Variants in CDH23 observed in about 807,000 individuals in gnomAD.
CDH23 encodes cadherin-23.
CDH23 carries 189 observed loss-of-function variants against 317.1 expected under a neutral mutation model. That is an observed-to-expected ratio of 0.60 (90% confidence interval 0.53 to 0.67). CDH23 has a LOEUF of 0.67. Among genes scored for constraint, CDH23 ranks in the 30% least tolerant of loss-of-function variants. The pLI is 0.00. For missense variants in CDH23, 4,401 were observed against 4,592.4 expected (o/e 0.96, Z 1.20); for synonymous variants, 1,839 against 1,876.8 (o/e 0.98, Z 0.52).
In CDH23 at chr10:71,732,099, G is replaced by T; in HGVS notation, c.3828G>T (p.Lys1276Asn). The T allele has an allele frequency of 6.2e-7, 1 of 1,614,002 alleles. No individual in the cohort carries two copies. Among genetic ancestry groups the T allele is most frequent in the Non-Finnish European group, 8.5e-7 (1 of 1,179,888 alleles). ...ITVNYLDYET[K>N]TSYMMNVSAT... ...TGAATTACCTGGACTACGAGACCAA[G>T]ACCAGCTACATGATGAATGTGTCGG... is the stretch of plus-strand genomic sequence containing the variant. Residue 1276 changes from lysine to asparagine, a missense_variant, in exon 32 of 70, where the codon AAG becomes AAT. Lys to Asn is a moderately conservative substitution (Grantham distance 94). This residue lies in a region of CDH23 where 3,068 missense variants were observed against 3,203.3 expected (regional missense o/e 0.96). Transcript: ENST00000224721.
At chr10:71,485,453 C>A (rs1852296372) in intron 3 of CDH23, among the ~76,000 whole-genome samples, 1 of 152,214 alleles carries the variant, frequency 6.6e-6, no homozygotes, top group Non-Finnish European at 1.5e-5. Flanking sequence ...CTGCATTGAC[C>A]TTTTGTGCTC....
rs775496154 is a variant in CDH23 at position 71,725,379 on chromosome 10, T to C, written c.3438T>C (p.His1146=). The change falls in exon 30 of 70, where the codon CAT becomes CAC. Residue 1146 remains histidine, a synonymous_variant. Transcript: ENST00000224721. ...GTCTGTCCCTCCACACAGGTAACCA[T>C]GGCAACAACTTCCGGATCCATGTCA... ...RVWYRILHGN[H]GNNFRIHVSN... The C allele has an allele frequency of 6.2e-6, 10 of 1,613,876 alleles. No individual in the cohort carries two copies. The East Asian group carries it at 1.3e-4, about 22-fold the overall frequency.
At chr10:71,532,220 G>A (rs984029728) in intron 6 of CDH23, among the ~76,000 whole-genome samples, 1 of 152,158 alleles carries the variant, frequency 6.6e-6, no homozygotes, top group Non-Finnish European at 1.5e-5. Flanking sequence ...CCTTGGGCAA[G>A]GAGCCTCTAA....
chr10:71,704,287 G>T (rs78377202), intron 24 of CDH23, among the ~76,000 whole-genome samples: 7 of 152,228 alleles, frequency 4.6e-5, no homozygotes, highest in East Asian at 1.9e-4. Context: ...AACATTCAGG[G>T]TACCAGGGTC....
chr10:71,699,545 G>A (rs1865509575), intron 22 of CDH23, among the ~76,000 whole-genome samples: 1 of 152,226 alleles, frequency 6.6e-6, no homozygotes. Context: ...GGTGTGCGCT[G>A]GCGGAGTGGC....
intron 28 of CDH23, chr10:71,716,118 A>ACCGG (rs1376724649): frequency 6.5e-7 from 1 of 1,547,868 alleles, no homozygotes; most frequent in Non-Finnish European, 8.7e-7. Flanking sequence ...TGGGGCATGC[A>ACCGG]CTCGTGAGCC....
chr10:71,752,355 T>C (rs1840025992), intron 38 of CDH23, among the ~76,000 whole-genome samples: 1 of 152,216 alleles, frequency 6.6e-6, no homozygotes, highest in South Asian at 2.1e-4. Context: ...AGGACTTCCT[T>C]CAACCTGTCT....
chr10:71,535,348 T>C (rs1418633117), intron 6 of CDH23, among the ~76,000 whole-genome samples: 6 of 152,042 alleles, frequency 3.9e-5, no homozygotes, highest in Non-Finnish European at 7.4e-5. Context: ...ACACAGGGCG[T>C]GGCCCCTCCT....
chr10:71,462,726 C>A (rs1480017544), intron 3 of CDH23, among the ~76,000 whole-genome samples: 1 of 152,246 alleles, frequency 6.6e-6, no homozygotes, highest in Admixed American at 6.5e-5. Flanking sequence ...CTGGCCCCCA[C>A]CAGGTGCTCA....
In CDH23 at chr10:71,530,034, GACACACAC is replaced by G. The variant is rs57652121; in HGVS notation, c.429+18851_429+18858del. Reference sequence around the variant, plus strand: ...GCATTTGCACACATACACACATACAGACACACACACACACACACACACACACACACACA... The same window carrying G: ...GCATTTGCACACATACACACATACAGACACACACACACACACACACACACA... On this transcript the variant is annotated intron_variant, in intron 6 of 69. Transcript: ENST00000224721. Among the ~76,000 whole-genome samples the G allele has an allele frequency of 2.5e-3, 348 of 140,922 alleles. 2 individuals are homozygous for G. Among genetic ancestry groups the G allele is most frequent in the African/African-American group, 8.7e-3 (325 of 37,556 alleles). 92.5% of individuals were successfully genotyped at this position (140,922 alleles called of 152,430 possible). A position where few individuals can be genotyped will look rare whatever the true frequency, so the allele number is the denominator to read the frequency against.
chr10:71,601,958 C>CGGGG lies in CDH23; in HGVS notation c.833-13544_833-13543insGGGG, dbSNP rs1351067491. On this transcript the variant is annotated intron_variant, in intron 9 of 69. Transcript: ENST00000224721. ...AGCAGGGCCTGGGCTGGGTGGGCGGCGGAGGGGGGGGGGCTCTGCAGCCCC... is the reference window on the plus strand; with the variant it reads ...AGCAGGGCCTGGGCTGGGTGGGCGGCGGGGGGAGGGGGGGGGGCTCTGCAGCCCC... Among the ~76,000 whole-genome samples, 14 of 90,878 alleles carry CGGGG rather than the reference C, an allele frequency of 1.5e-4. No homozygotes were observed. In the East Asian group the frequency reaches 1.8e-3, roughly 12 times the overall value. 59.6% of individuals were successfully genotyped at this position (90,878 alleles called of 152,430 possible).
intron 9 of CDH23, among the ~76,000 whole-genome samples, chr10:71,614,109 C>T (rs909750393): frequency 1.3e-4 from 20 of 152,210 alleles, no homozygotes; most frequent in African/African-American, 4.6e-4. Context: ...ATTAATGACC[C>T]CTCCTCTATG....
At position 71,793,363 on chromosome 10, in the gene CDH23, G is replaced by A. The variant is rs1423254450; in HGVS notation, c.6435G>A (p.Val2145=). The part of the protein sequence containing the change: ...EEQESYRLTV[V]ATDRGTVPLS... ...AGGAGTCCTACAGGCTAACGGTGGT[G>A]GCCACCGACCGGGGCACCGTTCCTC... is the stretch of plus-strand genomic sequence containing the variant. Residue 2145 remains valine, a synonymous_variant, in exon 48 of 70, where the codon GTG becomes GTA. Coordinates refer to ENST00000224721, the MANE Select transcript of CDH23 (RefSeq NM_022124.6). 2 of 1,613,884 alleles carry A rather than the reference G, an allele frequency of 1.2e-6. No individual in the cohort carries two copies. The highest frequency in any genetic ancestry group is 4.5e-5 in the East Asian group (2 of 44,880).
intron 38 of CDH23, among the ~76,000 whole-genome samples, chr10:71,759,936 T>TACACACACATATATACAC: frequency 1.9e-5 from 1 of 52,950 alleles, no homozygotes; most frequent in East Asian, 8.3e-4. Flanking sequence ...CACACATATA[T>TACACACACATATATACAC]ACACACACAC....
chr10:71,582,671 G>A (rs1283121071), intron 9 of CDH23, among the ~76,000 whole-genome samples: 1 of 152,146 alleles, frequency 6.6e-6, no homozygotes, highest in Non-Finnish European at 1.5e-5. Flanking sequence ...GGTTTAGTGA[G>A]CTGAGCCGAG....
intron 38 of CDH23, among the ~76,000 whole-genome samples, chr10:71,754,709 GAC>G (rs1840089047): frequency 2.0e-5 from 3 of 152,312 alleles, no homozygotes; most frequent in African/African-American, 7.2e-5. Context: ...GTAAAATGGG[GAC>G]AATGGTAGGA....
At position 71,439,694 on chromosome 10, in the gene CDH23, A is replaced by G. The variant is rs1849782402; in HGVS notation, c.-5-133A>G. On this transcript the variant is annotated intron_variant, in intron 1 of 69. Transcript: ENST00000224721. ...TCTCCCATGTGCTCCTAAACCCTCC[A>G]TCTGGGTTGATTCCTTCTCCTCCCT... 1.4e-5 allele frequency: 9 copies of G among 654,454 alleles called. No homozygotes were observed. The Admixed American group carries it at 2.3e-4, about 16-fold the overall frequency. 40.5% of individuals were successfully genotyped at this position (654,454 alleles called of 1,614,324 possible).
In CDH23 at chr10:71,615,617, G is replaced by T. The variant is rs727502919; in HGVS notation, c.945+1G>T. On this transcript the variant is annotated splice_donor_variant, in intron 10 of 69. Transcript: ENST00000224721. LOFTEE classifies it high-confidence loss of function. ...CCATGGCTTCATCCTGACTGTGAAG[G>T]TGAGACCTGGGTGGGCACCTTCACC... 1 of 1,611,198 alleles carries T rather than the reference G, an allele frequency of 6.2e-7. No homozygotes were observed. The highest frequency in any genetic ancestry group is 8.5e-7 in the Non-Finnish European group (1 of 1,177,468).
intron 1 of CDH23, among the ~76,000 whole-genome samples, chr10:71,409,704 C>T (rs1848264828): frequency 6.6e-6 from 1 of 152,102 alleles, no homozygotes; most frequent in Non-Finnish European, 1.5e-5. Flanking sequence ...CTCCAAGACC[C>T]TCTTCCCTAG....
Sources: allele counts gnomAD v4.1 joint callset (sites outside exome capture counted in the v4.1 genomes callset), GRCh38; gene constraint gnomAD v4.1.1; regional missense constraint gnomAD v4.1.1; transcripts MANE v1.5; gene names NCBI Gene and HGNC (gene_info 2026-07-23, HGNC 2026-07-21).